CPAMD8: variants seen among roughly 807,000 people sequenced by gnomAD.
CPAMD8 encodes the protein C3 and PZP like alpha-2-macroglobulin domain containing 8.
A neutral mutation model predicts 224.7 loss-of-function variants in CPAMD8; 146 were observed. The observed-to-expected ratio is 0.65, with a 90% confidence interval of 0.57 to 0.75. The LOEUF (loss-of-function observed/expected upper bound fraction) is 0.75. Among genes scored for constraint, CPAMD8 ranks in the 30% least tolerant of loss-of-function variants. CPAMD8 has a pLI of 0.00. For synonymous variants in CPAMD8, 966 were observed against 1,044.6 expected (o/e 0.92, Z 1.45); for missense variants, 2,301 against 2,537.5 (o/e 0.91, Z 2.00).
intron 27 of CPAMD8, among the ~76,000 whole-genome samples, chr19:16,920,681 C>A (rs935507055): frequency 1.3e-5 from 2 of 151,876 alleles, no homozygotes; most frequent in East Asian, 3.9e-4. Context: ...CATGGTGAAA[C>A]CCCGTCCCTA....
intron 18 of CPAMD8, among the ~76,000 whole-genome samples, chr19:16,967,533 G>A (rs1005191221): frequency 2.0e-5 from 3 of 152,022 alleles, no homozygotes; most frequent in African/African-American, 7.2e-5. Context: ...ATGGCCAGGT[G>A]CAGTGGCTCA....
In CPAMD8 at chr19:16,957,893, A is replaced by G. The variant is rs1324537684; in HGVS notation, c.2236T>C (p.Phe746Leu). ...TGCCAAATCCATGTTTCGGGGAAGA[A>G]AGTCCTTTTTCTCTTCTCTGTTCTA... is the stretch of plus-strand genomic sequence containing the variant. ...PPRTEKRKRT[F>L]FPETWIWHCL... The change falls in exon 19 of 42, where the codon TTC becomes CTC. Residue 746 changes from phenylalanine to leucine, a missense_variant. Physicochemically the swap from Phe to Leu is conservative, Grantham distance 22. Around this residue, in one of 4 missense-constraint regions of CPAMD8, gnomAD observed 1,709 missense variants for 1,753.2 expected, o/e 0.97. Coordinates refer to ENST00000443236, the MANE Select transcript of CPAMD8 (RefSeq NM_015692.5). The G allele has an allele frequency of 1.2e-6, 2 of 1,614,174 alleles. No individual in the cohort carries two copies. The highest frequency in any genetic ancestry group is 3.3e-5 in the Admixed American group (2 of 60,016).
intron 39 of CPAMD8, chr19:16,897,378 A>C: frequency 3.5e-6 from 1 of 286,656 alleles, no homozygotes. Context: ...CCCTCAACCC[A>C]TTGCGCCCAG....
chr19:16,907,334 A>G (rs1331098628), intron 29 of CPAMD8: 6 of 388,540 alleles, frequency 1.5e-5, no homozygotes, highest in Non-Finnish European at 2.3e-5. Flanking sequence ...TTTTTTGGTA[A>G]TAGGCTGGGC....
intron 27 of CPAMD8, among the ~76,000 whole-genome samples, chr19:16,920,593 C>T (rs3848661): frequency 0.5 from 75,630 of 151,554 alleles, 20,449 homozygotes; most frequent in Non-Finnish European, 0.6. Flanking sequence ...CGGTGGCTCA[C>T]GCCTGTAATC....
In CPAMD8 at chr19:16,987,152, C is replaced by CAAAAA. The variant is rs1214757739; in HGVS notation, c.1395+2486_1395+2490dup. Among the ~76,000 whole-genome samples, 61 of 22,996 alleles carry CAAAAA rather than the reference C, an allele frequency of 2.7e-3. 5 individuals carry two copies. Among genetic ancestry groups the CAAAAA allele is most frequent in the Non-Finnish European group, 3.8e-3 (45 of 11,932 alleles). The allele number at this position is 22,996 out of a possible 152,430, so 15.1% of individuals were successfully genotyped here. A position where few individuals can be genotyped will look rare whatever the true frequency, so the allele number is the denominator to read the frequency against. The stretch of plus-strand genomic sequence containing the variant: ...CCAGCCTGGGAGACAGAGACTCTGT[C>CAAAAA]AAAAAAAAAAAAAAAAAAAAAAAAA... On this transcript the variant is annotated intron_variant, in intron 13 of 41. Transcript: ENST00000443236.
chr19:16,896,865 A>C (rs1404750212), intron 39 of CPAMD8, 200 bp from the exon 40 acceptor site: 1 of 406,502 alleles, frequency 2.5e-6, no homozygotes, highest in Non-Finnish European at 4.3e-6. Flanking sequence ...ACTTACAAAA[A>C]CAGAAACAGA....
At chr19:16,971,496 A>G (rs549395391) in intron 17 of CPAMD8, among the ~76,000 whole-genome samples, 2 of 152,298 alleles carry the variant, frequency 1.3e-5, no homozygotes, top group East Asian at 1.9e-4. Flanking sequence ...ACAAAAGGCC[A>G]TATGTTGTAT....
intron 1 of CPAMD8, among the ~76,000 whole-genome samples, chr19:17,022,540 C>T: frequency 6.6e-6 from 1 of 151,722 alleles, no homozygotes; most frequent in Non-Finnish European, 1.5e-5. Flanking sequence ...GCTCTGTCCC[C>T]CAGGCTGGAG....
intron 28 of CPAMD8, 70 bp from the exon 29 acceptor site, chr19:16,914,568 C>A: frequency 1.2e-6 from 2 of 1,607,710 alleles, no homozygotes; most frequent in South Asian, 2.2e-5. Flanking sequence ...TTCCCCCAGG[C>A]AGCTCCAGGG....
At position 16,896,538 on chromosome 19, in the gene CPAMD8, G is replaced by A. The variant is rs1206361348; in HGVS notation, c.5193C>T (p.Tyr1731=). 4 of 1,493,060 alleles carry A rather than the reference G, an allele frequency of 2.7e-6. 1 individual carries two copies. The highest frequency in any genetic ancestry group is 8.9e-7 in the Non-Finnish European group (1 of 1,128,528). The allele number at this position is 1,493,060 out of a possible 1,614,324, so 92.5% of individuals were successfully genotyped here. A position where few individuals can be genotyped will look rare whatever the true frequency, so the allele number is the denominator to read the frequency against. ...CCTCCCGCAGGCGGCAGGCGCTGGC[G>A]TAGACCACCCCGTCGGAGCCGCACA... The part of the protein sequence containing the change: ...NPVCGSDGVV[Y]ASACRLREAA... Residue 1731 remains tyrosine, a synonymous_variant, in exon 40 of 42, where the codon TAC becomes TAT. Coordinates refer to ENST00000443236, the MANE Select transcript of CPAMD8 (RefSeq NM_015692.5).
intron 13 of CPAMD8, among the ~76,000 whole-genome samples, chr19:16,981,199 C>T (rs902264227): frequency 6.7e-6 from 1 of 149,994 alleles, no homozygotes. Context: ...ACAAAAAGCA[C>T]ACACACATAA....
At chr19:16,957,385 T>C (rs1393865544) in intron 19 of CPAMD8, among the ~76,000 whole-genome samples, 1 of 152,114 alleles carries the variant, frequency 6.6e-6, no homozygotes, top group Non-Finnish European at 1.5e-5. Context: ...AAAAAGTCAA[T>C]TGCATCCAGC....
chr19:17,008,198 G>A (rs954008012), intron 7 of CPAMD8, among the ~76,000 whole-genome samples: 2 of 152,146 alleles, frequency 1.3e-5, no homozygotes, highest in Non-Finnish European at 2.9e-5. Flanking sequence ...GAGAGCAGGT[G>A]CCCCAGTATT....
chr19:17,021,218 A>AGCAAT (rs2056947148), intron 2 of CPAMD8, among the ~76,000 whole-genome samples: 1 of 152,218 alleles, frequency 6.6e-6, no homozygotes, highest in African/African-American at 2.4e-5. Context: ...GAAGCTGGCC[A>AGCAAT]GCAATACCAG....
Position 17,011,595 on chromosome 19 carries a change from G to A in CPAMD8, c.430C>T (p.Arg144Ter), listed in dbSNP as rs764973886. The change falls in exon 4 of 42, where the codon CGA (arginine) becomes TGA (stop). Residue 144 changes from arginine to a stop codon, truncating the protein, a stop_gained. Transcript: ENST00000443236. LOFTEE classifies it high-confidence loss of function. ...TGCATCCATGCTGGCCACTCACCTC[G>A]GTGCTGGGGTCTGTACACAGGCTTG... ...TDKPVYRPQH[R>*]VLISIFTVSP... 80 of 1,614,048 alleles carry A rather than the reference G, an allele frequency of 5.0e-5. No homozygotes were observed. Among genetic ancestry groups the A allele is most frequent in the Admixed American group, 6.7e-5 (4 of 59,994 alleles).
intron 12 of CPAMD8, among the ~76,000 whole-genome samples, chr19:16,992,732 A>G (rs1194502672): frequency 1.1e-4 from 17 of 152,134 alleles, no homozygotes; most frequent in Admixed American, 9.8e-4. Flanking sequence ...GATTACAAGC[A>G]TGAGCCACTG....
At chr19:16,937,765 G>A (rs571243923) in intron 23 of CPAMD8, among the ~76,000 whole-genome samples, 1 of 149,770 alleles carries the variant, frequency 6.7e-6, no homozygotes, top group South Asian at 2.1e-4. Context: ...TGATTCTCCT[G>A]CCTCAGCCTC....
chr19:17,015,725 AG>A (rs1247879043), intron 3 of CPAMD8, among the ~76,000 whole-genome samples: 1 of 152,146 alleles, frequency 6.6e-6, no homozygotes, highest in African/African-American at 2.4e-5. Flanking sequence ...CTGAAGAGGG[AG>A]GAAAGGTCCC....
Sources: gnomAD v4.1 joint callset for allele counts (sites outside exome capture counted in the v4.1 genomes callset) on GRCh38, gnomAD v4.1.1 for gene constraint, gnomAD v4.1.1 regional missense constraint, MANE v1.5 for transcripts, NCBI Gene and HGNC (gene_info 2026-07-23, HGNC 2026-07-21) for gene names.